The following AKAP1 variants were observed in gnomAD, a reference collection of about 807,000 sequenced individuals.
AKAP1 encodes the protein A-kinase anchoring protein 1.
Under a neutral mutation model 79.8 loss-of-function variants are expected in AKAP1, and 32 were observed. The observed-to-expected ratio is 0.40, with a 90% CI of 0.30 to 0.54. AKAP1 has a LOEUF of 0.54. Among genes scored for constraint, AKAP1 ranks in the 20% least tolerant of loss-of-function variants. AKAP1 has a pLI of 0.47. For missense variants in AKAP1, 961 were observed against 1,138.9 expected (o/e 0.84, Z 2.25); for synonymous variants, 416 against 466.7 (o/e 0.89, Z 1.40).
intron 1 of AKAP1, among the ~76,000 whole-genome samples, chr17:57,099,271 CG>C (rs1420709180): frequency 6.6e-6 from 1 of 150,918 alleles, no homozygotes; most frequent in Non-Finnish European, 1.5e-5. Flanking sequence ...CTCTGCTCTT[CG>C]GGGATCTGGT....
At chr17:57,094,632 A>G (rs1463568588) in intron 1 of AKAP1, 1 of 143,450 alleles carries the variant, frequency 7.0e-6, no homozygotes, top group African/African-American at 2.6e-5. Context: ...TTTTTTTTTA[A>G]AGACAGGTCT....
intron 1 of AKAP1, chr17:57,093,836 T>C (rs1443369950): frequency 5.9e-5 from 9 of 151,852 alleles, no homozygotes; most frequent in Admixed American, 2.0e-4. Flanking sequence ...TTTCTTTCTT[T>C]TTAAGGATTA....
At chr17:57,102,125 A>G (rs1249957133) in intron 1 of AKAP1, among the ~76,000 whole-genome samples, 1 of 152,112 alleles carries the variant, frequency 6.6e-6, no homozygotes, top group Non-Finnish European at 1.5e-5. Context: ...TTTTTAAGGG[A>G]CTAGTCTCAC....
intron 1 of AKAP1, 27 bp downstream of exon 1, chr17:57,085,425 A>AC (rs919120309): frequency 1.3e-5 from 2 of 151,498 alleles, no homozygotes; most frequent in South Asian, 4.2e-4. Context: ...TGCGCCGGGG[A>AC]CCCCCTGCCG....
intron 1 of AKAP1, among the ~76,000 whole-genome samples, chr17:57,089,900 G>GT (rs1913678876): frequency 1.3e-5 from 2 of 152,148 alleles, no homozygotes; most frequent in Non-Finnish European, 2.9e-5. Context: ...GTTTGAAGCC[G>GT]TTTATTATCA....
Position 57,119,004 on chromosome 17 carries a change from G to C in AKAP1, c.2597G>C (p.Gly866Ala), listed in dbSNP as rs138481607. 6.2e-7 allele frequency: 1 copy of C among 1,613,710 alleles called. No individual in the cohort carries two copies. Among genetic ancestry groups the C allele is most frequent in the Non-Finnish European group, 8.5e-7 (1 of 1,179,754 alleles). Residue 866 changes from glycine to alanine, a missense_variant, in exon 10 of 11, where the codon GGT (glycine) becomes GCT (alanine). Gly to Ala is a moderately conservative substitution (Grantham distance 60, BLOSUM62 0). Around this residue, in one of 3 missense-constraint regions of AKAP1, gnomAD observed 629 missense variants for 781.1 expected, o/e 0.81. Transcript: ENST00000337714. ...LAQVTSYSPT[G>A]LPLIQLWSVV... Reference sequence around the variant, plus strand: ...CAGGTGACAAGTTACAGTCCAACTGGTCTTCCTCTGATTCAGCTGTGGAGT... The same window carrying C: ...CAGGTGACAAGTTACAGTCCAACTGCTCTTCCTCTGATTCAGCTGTGGAGT...
intron 6 of AKAP1, 106 bp from the exon 7 acceptor site, chr17:57,116,005 T>C: frequency 7.4e-7 from 1 of 1,344,728 alleles, no homozygotes; most frequent in Non-Finnish European, 1.0e-6. Flanking sequence ...ACTGTGGAGG[T>C]TGCAGGCCTC....
Position 57,106,407 on chromosome 17 carries a change from G to A in AKAP1, c.943G>A (p.Glu315Lys). 2 of 1,410,726 alleles carry A rather than the reference G, an allele frequency of 1.4e-6. No homozygotes were observed. The highest frequency in any genetic ancestry group is 9.9e-7 in the Non-Finnish European group (1 of 1,011,500). The allele number at this position is 1,410,726 out of a possible 1,614,324, so 87.4% of individuals were successfully genotyped here. Residue 315 changes from glutamate to lysine, a missense_variant, in exon 2 of 11, where the codon GAG (glutamate) becomes AAG (lysine). By Grantham distance (56) the Glu-to-Lys change is moderately conservative. Around this residue, in one of 3 missense-constraint regions of AKAP1, gnomAD observed 629 missense variants for 781.1 expected, o/e 0.81. Transcript: ENST00000337714. ...TGAGGAGAGCTTGGATAGAAATGAGGAGGGCTTGGATAGAAATGAGGAGGG... is the reference window on the plus strand; with the variant it reads ...TGAGGAGAGCTTGGATAGAAATGAGAAGGGCTTGGATAGAAATGAGGAGGG... ...GNEESLDRNE[E>K]GLDRNEEGLD...
At chr17:57,110,196 C>T in intron 3 of AKAP1, 38 bp downstream of exon 3, 2 of 1,609,284 alleles carry the variant, frequency 1.2e-6, no homozygotes, top group Non-Finnish European at 1.7e-6. Context: ...CTGTGGTAAG[C>T]CCAAAGCTCC....
intron 3 of AKAP1, 113 bp downstream of exon 3, chr17:57,110,271 G>C (rs1915159838): frequency 1.4e-6 from 2 of 1,446,500 alleles, no homozygotes; most frequent in South Asian, 2.7e-5. Context: ...AAACCAGAAG[G>C]AGCCCTGGGT....
At chr17:57,111,967 T>C (rs201789214) in intron 4 of AKAP1, 43 bp downstream of exon 4, 888 of 1,595,230 alleles carry the variant, frequency 5.6e-4, no homozygotes, top group Non-Finnish European at 7.3e-4. Context: ...ACCTGAAATA[T>C]TAAATAGAAG....
At chr17:57,090,921 C>G (rs1597957378) in intron 1 of AKAP1, among the ~76,000 whole-genome samples, 1 of 152,222 alleles carries the variant, frequency 6.6e-6, no homozygotes, top group East Asian at 1.9e-4. Flanking sequence ...AGGTCACAGA[C>G]CATCTCCTGG....
rs1915858278 is a variant in AKAP1 at position 57,120,412 on chromosome 17, C to A, written c.*88C>A. 2 of 1,171,226 alleles carry A rather than the reference C, an allele frequency of 1.7e-6. No homozygotes were observed. The highest frequency in any genetic ancestry group is 2.5e-6 in the Non-Finnish European group (2 of 804,958). 72.6% of individuals were successfully genotyped at this position (1,171,226 alleles called of 1,614,324 possible). On this transcript the variant is annotated 3_prime_UTR_variant, in exon 11 of 11. Transcript: ENST00000337714. Reference sequence around the variant, plus strand: ...CAAAGATGAACATCGGAATAACAAACATTGTCCTCTCCAGAAAGTCCTTTC... The same window carrying A: ...CAAAGATGAACATCGGAATAACAAAAATTGTCCTCTCCAGAAAGTCCTTTC...
chr17:57,095,412 T>TC (rs1031849823), intron 1 of AKAP1: 3 of 150,746 alleles, frequency 2.0e-5, no homozygotes, highest in African/African-American at 7.3e-5. Flanking sequence ...CAAGCAATCC[T>TC]CCCGAAGTGT....
At chr17:57,117,552 T>C (rs1456583243) in intron 8 of AKAP1, among the ~76,000 whole-genome samples, 4 of 152,204 alleles carry the variant, frequency 2.6e-5, no homozygotes, top group African/African-American at 7.2e-5. Flanking sequence ...CTCCCCAGGT[T>C]TGCCCCTTCT....
At chr17:57,108,263 C>G (rs1184609973) in intron 2 of AKAP1, among the ~76,000 whole-genome samples, 1 of 152,114 alleles carries the variant, frequency 6.6e-6, no homozygotes, top group Non-Finnish European at 1.5e-5. Context: ...TTTGTCACCT[C>G]CAAGATGCTG....
At chr17:57,100,241 A>G (rs1056440991) in intron 1 of AKAP1, among the ~76,000 whole-genome samples, 3 of 152,158 alleles carry the variant, frequency 2.0e-5, no homozygotes, top group Non-Finnish European at 4.4e-5. Flanking sequence ...AGTCACAGCT[A>G]TAAATCTGGG....
Position 57,086,119 on chromosome 17 carries a change from C to T in AKAP1, c.-25+721C>T, listed in dbSNP as rs1913432254. The stretch of plus-strand genomic sequence containing the variant: ...CTCGGGGGGAATTTGCATTCGTAGC[C>T]CCTGCAGGCGTGTCCGGAGGGGTGG... On this transcript the variant is annotated intron_variant, in intron 1 of 10. Coordinates refer to ENST00000337714, the MANE Select transcript of AKAP1 (RefSeq NM_003488.4). The surrounding 1 kb of genome is among the most constrained non-coding windows in gnomAD (Gnocchi z 5.1). 2 of 265,264 alleles carry T rather than the reference C, an allele frequency of 7.5e-6. No individual in the cohort carries two copies. Among genetic ancestry groups the T allele is most frequent in the African/African-American group, 2.4e-5 (1 of 42,322 alleles). 16.4% of individuals were successfully genotyped at this position (265,264 alleles called of 1,614,324 possible). A position where few individuals can be genotyped will look rare whatever the true frequency, so the allele number is the denominator to read the frequency against.
At position 57,106,607 on chromosome 17, in the gene AKAP1, C is replaced by G. The variant is rs952134934; in HGVS notation, c.1143C>G (p.Leu381=). 2.5e-6 allele frequency: 4 copies of G among 1,614,096 alleles called. No homozygotes were observed. The African/African-American group carries it at 5.3e-5, about 22-fold the overall frequency. Residue 381 remains leucine (L), a synonymous_variant, in exon 2 of 11, where the codon CTC becomes CTG. Coordinates refer to ENST00000337714, the MANE Select transcript of AKAP1 (RefSeq NM_003488.4). ...GTCGTGTGTGTCAGGCCAGTCAGCT[C>G]CAAGGGCAGAAGGAAGAGAGCTGTG... ...VAGRVCQASQ[L]QGQKEESCVP...
Sources: allele counts gnomAD v4.1 joint callset (sites outside exome capture counted in the v4.1 genomes callset), GRCh38; gene constraint gnomAD v4.1.1; regional missense constraint gnomAD v4.1.1; non-coding constraint Gnocchi (gnomAD v3.1); transcripts MANE v1.5; gene names NCBI Gene and HGNC (gene_info 2026-07-23, HGNC 2026-07-21).